FAM162B: variants seen among roughly 807,000 people sequenced by gnomAD.
The protein encoded by FAM162B is family with sequence similarity 162 member B, also known as protein FAM162B.
FAM162B carries 16 observed loss-of-function variants against 20.0 expected under a neutral mutation model. The observed-to-expected ratio is 0.80, with a 90% CI of 0.54 to 1.21. The LOEUF (loss-of-function observed/expected upper bound fraction) is 1.21, where lower values mean the gene tolerates loss of function less well. Ranked by LOEUF, FAM162B falls within the 50% of genes most tolerant of loss-of-function variation. The probability of loss-of-function intolerance (pLI) is 0.00; values close to 1 mark genes in which losing one functional copy is unlikely to be tolerated. For synonymous variants in FAM162B, 83 were observed against 89.7 expected (o/e 0.93, Z 0.42); for missense variants, 260 against 227.5 (o/e 1.14, Z -0.92).
At chr6:116,759,370 C>T (rs1013919410) in intron 3 of FAM162B, among the ~76,000 whole-genome samples, 44 of 149,694 alleles carry the variant, frequency 2.9e-4, no homozygotes, top group Non-Finnish European at 5.6e-4. Context: ...GGCACAATCT[C>T]GGATCACTGC....
intron 3 of FAM162B, among the ~76,000 whole-genome samples, chr6:116,753,166 C>A (rs142664066): frequency 6.6e-6 from 1 of 152,030 alleles, no homozygotes; most frequent in African/African-American, 2.4e-5. Context: ...GTCAAAAAAA[C>A]CCAGGCCTTT....
intron 2 of FAM162B, among the ~76,000 whole-genome samples, chr6:116,763,524 T>G (rs1771847495): frequency 6.6e-6 from 1 of 152,172 alleles, no homozygotes; most frequent in Non-Finnish European, 1.5e-5. Context: ...TGCAATGCTT[T>G]TTATAGGCAT....
At chr6:116,762,199 A>T (rs1385800653) in intron 2 of FAM162B, 114 bp from the exon 3 acceptor site, 4 of 723,856 alleles carry the variant, frequency 5.5e-6, no homozygotes, top group Admixed American at 2.8e-5. Flanking sequence ...TGCAAACTGC[A>T]TTTGGTGACA....
chr6:116,765,348 G>A (rs1041351013), intron 1 of FAM162B, 57 bp downstream of exon 1: 122 of 1,525,932 alleles, frequency 8.0e-5, no homozygotes, highest in Admixed American at 9.9e-5. Context: ...CCGGCCCCTC[G>A]CTGCCCTCCC....
intron 3 of FAM162B, 46 bp from the exon 4 acceptor site, chr6:116,752,741 C>CAT: frequency 2.1e-6 from 1 of 471,814 alleles, no homozygotes; most frequent in East Asian, 5.8e-5. Flanking sequence ...TATAGATACA[C>CAT]GTATATATAT....
rs1771798540 is a variant in FAM162B at position 116,762,197 on chromosome 6, G to A, written c.282-112C>T. The stretch of plus-strand genomic sequence containing the variant: ...CCAAAAAATTCCCTGAATGCAAACT[G>A]CATTTGGTGACATTTTCATGTGAAA... On this transcript the variant is annotated intron_variant, in intron 2 of 3. Coordinates refer to ENST00000368557, the MANE Select transcript of FAM162B (RefSeq NM_001085480.3). 5.2e-6 allele frequency: 4 copies of A among 766,876 alleles called. No individual in the cohort carries two copies. In the East Asian group the frequency reaches 7.9e-5, roughly 15 times the overall value. The allele number at this position is 766,876 out of a possible 1,614,324, so 47.5% of individuals were successfully genotyped here. A position where few individuals can be genotyped will look rare whatever the true frequency, so the allele number is the denominator to read the frequency against.
Position 116,765,453 on chromosome 6 carries a change from A to C in FAM162B, c.124T>G (p.Cys42Gly). The C allele has an allele frequency of 6.9e-7, 1 of 1,441,470 alleles. No individual in the cohort carries two copies. Among genetic ancestry groups the C allele is most frequent in the Non-Finnish European group, 9.1e-7 (1 of 1,098,156 alleles). 89.3% of individuals were successfully genotyped at this position (1,441,470 alleles called of 1,614,324 possible). A position where few individuals can be genotyped will look rare whatever the true frequency, so the allele number is the denominator to read the frequency against. The change falls in exon 1 of 4, where the codon TGC becomes GGC. Residue 42 changes from cysteine to glycine, a missense_variant. Cys to Gly is a radical substitution (Grantham distance 159, BLOSUM62 -3). Coordinates refer to ENST00000368557, the MANE Select transcript of FAM162B (RefSeq NM_001085480.3). ...CTGGGGGCCCCGCCGCTGGAGTAGC[A>C]GGGGAGACCCCGGGGCGGAAGAGCC... The part of the protein sequence containing the change: ...APALPPRGLP[C>G]YSSGGAPSNS...
intron 3 of FAM162B, among the ~76,000 whole-genome samples, chr6:116,761,582 A>G (rs1420610064): frequency 2.0e-5 from 3 of 149,740 alleles, no homozygotes; most frequent in Non-Finnish European, 4.4e-5. Context: ...TCAAATTTCC[A>G]TGAACAAATT....
intron 2 of FAM162B, among the ~76,000 whole-genome samples, chr6:116,762,393 C>T (rs1160547874): frequency 1.3e-5 from 2 of 152,100 alleles, no homozygotes; most frequent in Non-Finnish European, 2.9e-5. Flanking sequence ...TTTTTATTCA[C>T]TAAGTGGGGT....
At chr6:116,764,658 A>C (rs1035170521) in intron 2 of FAM162B, among the ~76,000 whole-genome samples, 4 of 151,970 alleles carry the variant, frequency 2.6e-5, no homozygotes, top group Non-Finnish European at 5.9e-5. Flanking sequence ...CCAGAAGAGG[A>C]GGCCGCATGG....
intron 3 of FAM162B, among the ~76,000 whole-genome samples, chr6:116,757,954 A>G (rs1312141660): frequency 6.6e-6 from 1 of 152,206 alleles, no homozygotes; most frequent in Non-Finnish European, 1.5e-5. Context: ...TTTGCCATAG[A>G]GAAATGCAGC....
At chr6:116,760,025 C>T (rs1301243821) in intron 3 of FAM162B, among the ~76,000 whole-genome samples, 2 of 152,148 alleles carry the variant, frequency 1.3e-5, no homozygotes, top group Admixed American at 1.3e-4. Context: ...TTCCTCAGAT[C>T]TTTTTAGTTT....
At chr6:116,752,815 G>C in intron 3 of FAM162B, 120 bp from the exon 4 acceptor site, 1 of 238,492 alleles carries the variant, frequency 4.2e-6, no homozygotes, top group Non-Finnish European at 7.4e-6. Context: ...ATTTGTATTT[G>C]AGATAGAAAT....
At chr6:116,762,836 T>C (rs954693797) in intron 2 of FAM162B, among the ~76,000 whole-genome samples, 7 of 152,292 alleles carry the variant, frequency 4.6e-5, no homozygotes, top group African/African-American at 1.7e-4. Context: ...ATCATGCCTG[T>C]GGGACTTTTA....
At chr6:116,752,742 G>GAA in intron 3 of FAM162B, 47 bp from the exon 4 acceptor site, 1 of 387,344 alleles carries the variant, frequency 2.6e-6, no homozygotes. Context: ...ATAGATACAC[G>GAA]TATATATATA....
Position 116,765,697 on chromosome 6 carries a change from G to A in FAM162B, c.-121C>T, listed in dbSNP as rs969048233. The stretch of plus-strand genomic sequence containing the variant: ...CTGGAGAGCCTGGGACGTGCAGCTG[G>A]AACCCCTGGCGCTCGCACACTCAGC... On this transcript the variant is annotated 5_prime_UTR_variant, in exon 1 of 4. Coordinates refer to ENST00000368557, the MANE Select transcript of FAM162B (RefSeq NM_001085480.3). 1.2e-5 allele frequency: 14 copies of A among 1,127,362 alleles called. No individual in the cohort carries two copies. The Admixed American group carries it at 3.4e-4, about 27-fold the overall frequency. The allele number at this position is 1,127,362 out of a possible 1,614,324, so 69.8% of individuals were successfully genotyped here.
At position 116,765,189 on chromosome 6, in the gene FAM162B, G is replaced by A; in HGVS notation, c.239C>T (p.Thr80Ile). ...CTCCTCCATCGATTTGAAACGCCCTGTCCACAGCAGGATTTTCTTGTCGAA... is the reference window on the plus strand; with the variant it reads ...CTCCTCCATCGATTTGAAACGCCCTATCCACAGCAGGATTTTCTTGTCGAA... ...SQFDKKILLW[T>I]GRFKSMEEIP... The change falls in exon 2 of 4, where the codon ACA becomes ATA. Residue 80 changes from threonine (T) to isoleucine (I), a missense_variant. Thr to Ile is a moderately conservative substitution (Grantham distance 89). Coordinates refer to ENST00000368557, the MANE Select transcript of FAM162B (RefSeq NM_001085480.3). 1 of 1,613,898 alleles carries A rather than the reference G, an allele frequency of 6.2e-7. No homozygotes were observed. Among genetic ancestry groups the A allele is most frequent in the Non-Finnish European group, 8.5e-7 (1 of 1,179,972 alleles).
Position 116,765,500 on chromosome 6 carries a change from T to C in FAM162B, c.77A>G (p.Glu26Gly). The C allele has an allele frequency of 7.1e-7, 1 of 1,401,494 alleles. No individual in the cohort carries two copies. Among genetic ancestry groups the C allele is most frequent in the Non-Finnish European group, 9.2e-7 (1 of 1,084,366 alleles). The allele number at this position is 1,401,494 out of a possible 1,614,324, so 86.8% of individuals were successfully genotyped here. The change falls in exon 1 of 4, where the codon GAG becomes GGG. Residue 26 changes from glutamate to glycine, a missense_variant. By Grantham distance (98) the Glu-to-Gly change is moderately conservative. Coordinates refer to ENST00000368557, the MANE Select transcript of FAM162B (RefSeq NM_001085480.3). ...AGCCGGTGCGGGCCGTCGCGTGGCCTCGAGAGGCGCCCCGGGGCCGCAGCG... is the reference window on the plus strand; with the variant it reads ...AGCCGGTGCGGGCCGTCGCGTGGCCCCGAGAGGCGCCCCGGGGCCGCAGCG... The part of the protein sequence containing the change: ...TVRCGPGAPL[E>G]ATRRPAPALP...
intron 3 of FAM162B, among the ~76,000 whole-genome samples, chr6:116,761,186 G>T (rs1780136508): frequency 6.6e-6 from 1 of 152,124 alleles, no homozygotes; most frequent in Non-Finnish European, 1.5e-5. Context: ...TACTTGTGGG[G>T]CTGCTCTTTG....
Sources: allele counts gnomAD v4.1 joint callset (sites outside exome capture counted in the v4.1 genomes callset), GRCh38; gene constraint gnomAD v4.1.1; transcripts MANE v1.5; gene names NCBI Gene and HGNC (gene_info 2026-07-23, HGNC 2026-07-21).